Variants in TBC1D22A observed in about 807,000 individuals in gnomAD.
TBC1D22A encodes the protein putative GTPase activator.
TBC1D22A carries 38 observed loss-of-function variants against 60.2 expected under a neutral mutation model. The ratio of observed to expected loss-of-function variants is 0.63; its 90% CI spans 0.49 to 0.83. TBC1D22A has a LOEUF of 0.83. TBC1D22A is among the 40% of genes least tolerant of loss of function. TBC1D22A has a pLI of 0.00. For missense variants in TBC1D22A, 628 were observed against 701.0 expected (o/e 0.90, Z 1.18); for synonymous variants, 302 against 281.7 (o/e 1.07, Z -0.72).
intron 8 of TBC1D22A, among the ~76,000 whole-genome samples, chr22:46,968,071 G>A (rs1184013480): frequency 1.3e-5 from 2 of 152,238 alleles, no homozygotes; most frequent in African/African-American, 4.8e-5. Flanking sequence ...GGGTGGCCTT[G>A]TGGTGACGGG....
intron 12 of TBC1D22A, among the ~76,000 whole-genome samples, chr22:47,130,524 C>A (rs1025931459): frequency 6.6e-6 from 1 of 152,198 alleles, no homozygotes; most frequent in African/African-American, 2.4e-5. Context: ...GCCACTTCCT[C>A]GCAGGCTTCG....
intron 12 of TBC1D22A, among the ~76,000 whole-genome samples, chr22:47,156,868 C>G (rs1395999935): frequency 6.6e-6 from 1 of 152,252 alleles, no homozygotes; most frequent in Non-Finnish European, 1.5e-5. Flanking sequence ...CTGCATGCTG[C>G]ACCCATTTGC....
chr22:46,911,222 TGG>T (rs1398998782), intron 7 of TBC1D22A, among the ~76,000 whole-genome samples: 1 of 152,042 alleles, frequency 6.6e-6, no homozygotes, highest in Admixed American at 6.5e-5. Context: ...TTGAGAGTAT[TGG>T]AGGGAGGAGG....
At chr22:46,895,803 T>C (rs2068645486) in intron 7 of TBC1D22A, among the ~76,000 whole-genome samples, 1 of 152,222 alleles carries the variant, frequency 6.6e-6, no homozygotes, top group Non-Finnish European at 1.5e-5. Context: ...GTTTTGCTGT[T>C]AGGAAGGGTG....
intron 3 of TBC1D22A, among the ~76,000 whole-genome samples, chr22:46,794,292 T>C (rs905117651): frequency 1.3e-5 from 2 of 152,226 alleles, no homozygotes; most frequent in Non-Finnish European, 2.9e-5. Flanking sequence ...CTAGGCAGCT[T>C]ACAGGATTCC....
At chr22:47,060,772 C>T (rs2063546257) in intron 11 of TBC1D22A, among the ~76,000 whole-genome samples, 1 of 152,304 alleles carries the variant, frequency 6.6e-6, no homozygotes, top group Non-Finnish European at 1.5e-5. Context: ...AGAAAGGGCA[C>T]ACAATTTAGC....
At chr22:46,843,421 T>C (rs2086860104) in intron 4 of TBC1D22A, among the ~76,000 whole-genome samples, 1 of 146,410 alleles carries the variant, frequency 6.8e-6, no homozygotes, top group African/African-American at 2.8e-5. Context: ...TGCCAGGGGA[T>C]TGAGACTCGG....
chr22:46,989,220 C>A (rs911194986), intron 9 of TBC1D22A, among the ~76,000 whole-genome samples: 3 of 152,310 alleles, frequency 2.0e-5, no homozygotes, highest in Admixed American at 1.3e-4. Flanking sequence ...ATCTTCTATC[C>A]AGACCGCTGA....
intron 10 of TBC1D22A, among the ~76,000 whole-genome samples, chr22:47,030,246 T>A (rs1470980950): frequency 6.6e-6 from 1 of 152,252 alleles, no homozygotes; most frequent in Non-Finnish European, 1.5e-5. Flanking sequence ...TGCGGGGGGT[T>A]GAAAGGTTTT....
intron 8 of TBC1D22A, among the ~76,000 whole-genome samples, chr22:46,973,217 C>G (rs1423006162): frequency 6.6e-6 from 1 of 152,212 alleles, no homozygotes; most frequent in Non-Finnish European, 1.5e-5. Flanking sequence ...CACTTAGGGA[C>G]CTGGGTTCTG....
At chr22:46,843,949 G>A (rs2086883995) in intron 4 of TBC1D22A, among the ~76,000 whole-genome samples, 2 of 151,974 alleles carry the variant, frequency 1.3e-5, no homozygotes, top group Admixed American at 6.6e-5. Context: ...GCTGGGGCCA[G>A]AAAGCATTTG....
intron 12 of TBC1D22A, among the ~76,000 whole-genome samples, chr22:47,133,574 A>T (rs1434532806): frequency 6.6e-6 from 1 of 152,140 alleles, no homozygotes; most frequent in African/African-American, 2.4e-5. Flanking sequence ...TTAAGATGGG[A>T]CTGTGGCTTT....
chr22:47,016,580 C>T lies in TBC1D22A; in HGVS notation c.1201+18871C>T, dbSNP rs917688859. On this transcript the variant is annotated intron_variant, in intron 10 of 12. Coordinates refer to ENST00000337137, the MANE Select transcript of TBC1D22A (RefSeq NM_014346.5). Reference sequence around the variant, plus strand: ...CTTGTAGGACACCGAGCTCTTTGCCCGATAGTGTCAGTGGGAGGTTCCAGA... The same window carrying T: ...CTTGTAGGACACCGAGCTCTTTGCCTGATAGTGTCAGTGGGAGGTTCCAGA... 5.3e-5 allele frequency among the ~76,000 whole-genome samples: 8 copies of T among 152,148 alleles called. No individual in the cohort carries two copies. The South Asian group carries it at 6.2e-4, about 12-fold the overall frequency.
chr22:47,162,780 G>C (rs2068044227), intron 12 of TBC1D22A, among the ~76,000 whole-genome samples: 1 of 100,292 alleles, frequency 1.0e-5, no homozygotes, highest in Non-Finnish European at 2.0e-5. Flanking sequence ...TGCGGACCCA[G>C]TGCAGGGAGA....
intron 9 of TBC1D22A, among the ~76,000 whole-genome samples, chr22:46,989,015 C>T (rs1011327278): frequency 4.6e-5 from 7 of 152,248 alleles, no homozygotes; most frequent in Admixed American, 4.6e-4. Flanking sequence ...GCTTCTCCAT[C>T]AGCACTTGCT....
intron 3 of TBC1D22A, 142 bp from the exon 4 acceptor site, chr22:46,797,302 C>A: frequency 1.2e-6 from 1 of 861,346 alleles, no homozygotes; most frequent in South Asian, 1.6e-5. Flanking sequence ...CATGTTATTG[C>A]TCAAGAAACC....
chr22:47,048,595 G>A (rs1045183248), intron 11 of TBC1D22A, among the ~76,000 whole-genome samples: 7 of 152,330 alleles, frequency 4.6e-5, no homozygotes, highest in African/African-American at 1.7e-4. Flanking sequence ...GCCATGGGAA[G>A]CACTTACAGT....
intron 9 of TBC1D22A, among the ~76,000 whole-genome samples, chr22:46,991,752 C>T (rs1358952236): frequency 1.3e-5 from 2 of 152,176 alleles, no homozygotes; most frequent in African/African-American, 2.4e-5. Context: ...TGGGTCTCAC[C>T]GCTGACTCCG....
At chr22:46,871,411 G>A (rs577425647) in intron 4 of TBC1D22A, among the ~76,000 whole-genome samples, 10 of 152,288 alleles carry the variant, frequency 6.6e-5, no homozygotes, top group East Asian at 1.9e-4. Context: ...GATAATGCAC[G>A]TCCTTTTCAA....
Sources: allele counts gnomAD v4.1 joint callset (sites outside exome capture counted in the v4.1 genomes callset), GRCh38; gene constraint gnomAD v4.1.1; transcripts MANE v1.5; gene names NCBI Gene and HGNC (gene_info 2026-07-23, HGNC 2026-07-21).